PLA2G4C: variants seen among roughly 807,000 people sequenced by gnomAD.
PLA2G4C encodes phospholipase A2 group IVC, also known as cytosolic phospholipase A2 gamma.
Under a neutral mutation model 73.8 loss-of-function variants are expected in PLA2G4C, and 64 were observed. That is an observed-to-expected ratio of 0.87 (90% CI 0.71 to 1.07). The LOEUF is 1.07. Ranked by LOEUF, PLA2G4C falls within the 50% of genes least tolerant of loss-of-function variation. The probability of loss-of-function intolerance (pLI) is 0.00; values close to 1 mark genes in which losing one functional copy is unlikely to be tolerated. For missense variants in PLA2G4C, 622 were observed against 665.4 expected (o/e 0.93, Z 0.72); for synonymous variants, 254 against 252.1 (o/e 1.01, Z -0.07).
chr19:48,095,358 C>A lies in PLA2G4C; in HGVS notation c.709+106G>T. ...GGAAGCCTACCAAGTCCTTTTCTTTCCCCCAAGAAATTTAAGAGCTGGGCA... is the reference window on the plus strand; with the variant it reads ...GGAAGCCTACCAAGTCCTTTTCTTTACCCCAAGAAATTTAAGAGCTGGGCA... On this transcript the variant is annotated intron_variant, in intron 7 of 16. Coordinates refer to ENST00000599921, the MANE Select transcript of PLA2G4C (RefSeq NM_003706.3). 2.9e-6 allele frequency: 3 copies of A among 1,046,474 alleles called. No individual in the cohort carries two copies. The South Asian group carries it at 4.5e-5, about 16-fold the overall frequency. The allele number at this position is 1,046,474 out of a possible 1,614,324, so 64.8% of individuals were successfully genotyped here. A position where few individuals can be genotyped will look rare whatever the true frequency, so the allele number is the denominator to read the frequency against.
At chr19:48,065,666 A>G (rs1181488770) in intron 13 of PLA2G4C, among the ~76,000 whole-genome samples, 1 of 152,092 alleles carries the variant, frequency 6.6e-6, no homozygotes, top group African/African-American at 2.4e-5. Flanking sequence ...CTGATTGGCT[A>G]TTGGTTTAAA....
At chr19:48,064,894 G>A (rs1266669588) in intron 13 of PLA2G4C, 2 of 152,196 alleles carry the variant, frequency 1.3e-5, no homozygotes, top group African/African-American at 4.8e-5. Flanking sequence ...ACTTGATTTT[G>A]GACTTCCAGC....
chr19:48,091,187 T>C (rs904360184), intron 7 of PLA2G4C, among the ~76,000 whole-genome samples: 3 of 151,632 alleles, frequency 2.0e-5, no homozygotes, highest in African/African-American at 7.3e-5. Flanking sequence ...CCTAACTTTG[T>C]ATTATTTATT....
intron 1 of PLA2G4C, among the ~76,000 whole-genome samples, chr19:48,109,759 C>G (rs776146147): frequency 1.2e-4 from 18 of 152,094 alleles, no homozygotes; most frequent in Non-Finnish European, 2.2e-4. Flanking sequence ...ACGCCATTCT[C>G]CTGCCTCAGC....
rs1388222720 is a variant in PLA2G4C at position 48,072,012 on chromosome 19, G to T, written c.1006+2755C>A. 6.6e-6 allele frequency among the ~76,000 whole-genome samples: 1 copy of T among 151,738 alleles called. No homozygotes were observed. Among genetic ancestry groups the T allele is most frequent in the Non-Finnish European group, 1.5e-5 (1 of 67,932 alleles). ...ATTACAAAAATTAGCCGGGTGTGGT[G>T]GTGCATGCCTGTGGTCCCAGCTACT... On this transcript the variant is annotated intron_variant, in intron 12 of 16. Coordinates refer to ENST00000599921, the MANE Select transcript of PLA2G4C (RefSeq NM_003706.3). The surrounding 1 kb of genome is among the most constrained non-coding windows in gnomAD (Gnocchi z 4.4).
At chr19:48,095,809 A>G (rs1310722497) in intron 6 of PLA2G4C, among the ~76,000 whole-genome samples, 1 of 152,170 alleles carries the variant, frequency 6.6e-6, no homozygotes, top group Non-Finnish European at 1.5e-5. Flanking sequence ...CTTCCACAGC[A>G]GCCTGTTTCC....
intron 8 of PLA2G4C, chr19:48,090,130 G>A (rs143604057): frequency 5.0e-4 from 247 of 494,622 alleles, no homozygotes; most frequent in Non-Finnish European, 7.7e-4. Flanking sequence ...GTAACTTTTC[G>A]GAGGTCACAA....
At chr19:48,071,907 G>A (rs1400387770) in intron 12 of PLA2G4C, among the ~76,000 whole-genome samples, 1 of 151,930 alleles carries the variant, frequency 6.6e-6, no homozygotes, top group African/African-American at 2.4e-5. Flanking sequence ...CAGCACTTTG[G>A]GAGCCTGAGG....
At chr19:48,094,192 AGAAGCTCT>A (rs1289955976) in intron 7 of PLA2G4C, among the ~76,000 whole-genome samples, 3 of 152,204 alleles carry the variant, frequency 2.0e-5, no homozygotes, top group African/African-American at 7.2e-5. Context: ...ATCTCCTGTC[AGAAGCTCT>A]GACCACCAAT....
At chr19:48,086,153 A>T (rs567103491) in intron 9 of PLA2G4C, among the ~76,000 whole-genome samples, 1 of 152,308 alleles carries the variant, frequency 6.6e-6, no homozygotes, top group African/African-American at 2.4e-5. Context: ...TAGGTGGGAT[A>T]GATGGGGAGG....
intron 16 of PLA2G4C, chr19:48,051,848 A>G (rs1363360236): frequency 6.6e-6 from 1 of 150,610 alleles, no homozygotes; most frequent in Non-Finnish European, 1.5e-5. Context: ...TGCATGACTC[A>G]GCTTAATTAA....
chr19:48,097,248 T>TTTA, intron 6 of PLA2G4C: 1 of 117,414 alleles, frequency 8.5e-6, no homozygotes, highest in East Asian at 6.3e-4. Context: ...TTTTTTCTTT[T>TTTA]TTCTTTTTTT....
chr19:48,056,460 A>G (rs1320731908), intron 14 of PLA2G4C, among the ~76,000 whole-genome samples: 2 of 152,120 alleles, frequency 1.3e-5, no homozygotes, highest in Non-Finnish European at 2.9e-5. Flanking sequence ...AGACAGGAGA[A>G]TCGCTTGAAC....
chr19:48,067,924 G>A (rs11564618), intron 12 of PLA2G4C, 38 bp from the exon 13 acceptor site: 57,030 of 1,416,354 alleles, frequency 0.04, 1,314 homozygotes, highest in Non-Finnish European at 0.045. Flanking sequence ...GTGAGTTCAG[G>A]AGACTGAGTG....
intron 7 of PLA2G4C, 33 bp downstream of exon 7, chr19:48,095,431 C>T (rs766285110): frequency 6.2e-7 from 1 of 1,604,622 alleles, no homozygotes; most frequent in South Asian, 1.1e-5. Context: ...CACTTCCCAC[C>T]CCCTTTTAAT....
chr19:48,067,847 C>A lies in PLA2G4C; in HGVS notation c.1046G>T (p.Gly349Val). 6.2e-7 allele frequency: 1 copy of A among 1,613,898 alleles called. No individual in the cohort carries two copies. The highest frequency in any genetic ancestry group is 8.5e-7 in the Non-Finnish European group (1 of 1,179,786). The change falls in exon 13 of 17, where the codon GGC becomes GTC. Residue 349 changes from glycine to valine, a missense_variant. Gly to Val is a moderately radical substitution (Grantham distance 109, BLOSUM62 -3). Coordinates refer to ENST00000599921, the MANE Select transcript of PLA2G4C (RefSeq NM_003706.3). ...CCATTCCCACTTTGAAGCGCAAATG[C>A]CTGTTTTCTTCACAAAATCCATCAA... ...SNLMDFVKKT[G>V]ICASKWEWGT... is the part of the protein sequence containing the mutation.
chr19:48,048,248 G>A lies in PLA2G4C; in HGVS notation c.*95C>T, dbSNP rs112714778. 236 of 849,680 alleles carry A rather than the reference G, an allele frequency of 2.8e-4. 2 individuals are homozygous for A. The highest frequency in any genetic ancestry group is 1.8e-3 in the African/African-American group (102 of 57,476). The allele number at this position is 849,680 out of a possible 1,614,324, so 52.6% of individuals were successfully genotyped here. On this transcript the variant is annotated 3_prime_UTR_variant, in exon 17 of 17. Transcript: ENST00000599921. ...CAAGGTGAACTCAAGGCCATGAAGC[G>A]TGTGGCTGAAGGGAGTGAAGAACAG...
intron 1 of PLA2G4C, among the ~76,000 whole-genome samples, chr19:48,107,689 C>T (rs1400018482): frequency 2.6e-5 from 4 of 152,114 alleles, no homozygotes; most frequent in South Asian, 2.1e-4. Context: ...CAGGCCCGCC[C>T]GCAGTTATCC....
chr19:48,110,517 C>A lies in PLA2G4C; in HGVS notation c.-63G>T, dbSNP rs1051199487. On this transcript the variant is annotated 5_prime_UTR_variant, in exon 1 of 17. Transcript: ENST00000599921. The stretch of plus-strand genomic sequence containing the variant: ...CCTGGGTCTGGGGCGTGTGCGCATG[C>A]GCGGTGGAGCTTGTGCTCCGGAATC... 27 of 984,466 alleles carry A rather than the reference C, an allele frequency of 2.7e-5. No individual in the cohort carries two copies. The African/African-American group carries it at 1.2e-3, about 44-fold the overall frequency. The allele number at this position is 984,466 out of a possible 1,614,324, so 61.0% of individuals were successfully genotyped here. A position where few individuals can be genotyped will look rare whatever the true frequency, so the allele number is the denominator to read the frequency against.
Sources: gnomAD v4.1 joint callset for allele counts (sites outside exome capture counted in the v4.1 genomes callset) on GRCh38, gnomAD v4.1.1 for gene constraint, Gnocchi (gnomAD v3.1) non-coding constraint, MANE v1.5 for transcripts, NCBI Gene and HGNC (gene_info 2026-07-23, HGNC 2026-07-21) for gene names.